Variants in CFAP46 observed in about 807,000 individuals in gnomAD.
The protein encoded by CFAP46 is cilia- and flagella-associated protein 46.
Under a neutral mutation model 325.7 loss-of-function variants are expected in CFAP46, and 245 were observed. The ratio of observed to expected loss-of-function variants is 0.75; its 90% confidence interval spans 0.68 to 0.84. The LOEUF (loss-of-function observed/expected upper bound fraction) is 0.84. Among genes scored for constraint, CFAP46 ranks in the 40% least tolerant of loss-of-function variants. CFAP46 has a pLI of 0.00. For synonymous variants in CFAP46, 1,523 were observed against 1,495.9 expected, an observed-to-expected ratio of 1.02 and a Z score of -0.42; for missense variants, 3,346 against 3,543.0, an observed-to-expected ratio of 0.94 and a Z score of 1.41.
chr10:132,808,982 G>A lies in CFAP46; in HGVS notation c.7665-78C>T. On this transcript the variant is annotated intron_variant, in intron 57 of 57. Transcript: ENST00000368586. The surrounding 1 kb of genome is among the most constrained non-coding windows in gnomAD (Gnocchi z 6.8). ...GCCCGGTGAGGACCAGGGCACAGGG[G>A]CGGGAAGTGGCAGCTGCTCCAACTG... 1 of 1,386,260 alleles carries A rather than the reference G, an allele frequency of 7.2e-7. No individual in the cohort carries two copies. The allele number at this position is 1,386,260 out of a possible 1,614,324, so 85.9% of individuals were successfully genotyped here.
chr10:132,940,692 C>G (rs1355849953), intron 4 of CFAP46, among the ~76,000 whole-genome samples: 1 of 152,200 alleles, frequency 6.6e-6, no homozygotes, highest in East Asian at 1.9e-4. Context: ...ATTCTCCTGC[C>G]TCAGCCTCCC....
chr10:132,927,120 G>T (rs1370182260), intron 9 of CFAP46, among the ~76,000 whole-genome samples: 1 of 152,124 alleles, frequency 6.6e-6, no homozygotes, highest in Non-Finnish European at 1.5e-5. Context: ...AAAAGCTGGG[G>T]AGCAACGTGT....
rs1478282746 is a variant in CFAP46, at chr10:132,877,970, TCTC to T, written c.4120_4122del (p.Glu1374del). The stretch of plus-strand genomic sequence containing the variant: ...TTCTCCTTCTCTTTACTCCTCTCCT[TCTC>T]CTTCTCTTTACTCCTCTCATTCTCC... On this transcript the variant is annotated inframe_deletion, in exon 30 of 58. Coordinates refer to ENST00000368586, the MANE Select transcript of CFAP46 (RefSeq NM_001200049.3). This position sits in a 1 kb window ranked among gnomAD's most constrained non-coding sequence, Gnocchi z 5.7. 2.9e-5 allele frequency: 45 copies of T among 1,550,416 alleles called. No individual in the cohort carries two copies. In the South Asian group the frequency reaches 4.6e-4, roughly 16 times the overall value.
rs1252193866 is a variant in CFAP46, at chr10:132,827,832, G to A, written c.7117+5526C>T. Among the ~76,000 whole-genome samples, 1 of 151,890 alleles carries A rather than the reference G, an allele frequency of 6.6e-6. No homozygotes were observed. Among genetic ancestry groups the A allele is most frequent in the East Asian group, 1.9e-4 (1 of 5,172 alleles). On this transcript the variant is annotated intron_variant, in intron 50 of 57. Transcript: ENST00000368586. The surrounding 1 kb of genome is among the most constrained non-coding windows in gnomAD (Gnocchi z 5.7). ...TACCTGCCTTCTGACTTGTACATTG[G>A]TTTGTATTTCCCAGGCTTTTGTAAA...
At position 132,846,075 on chromosome 10, in the gene CFAP46, C is replaced by A. The variant is rs776124330; in HGVS notation, c.6420G>T (p.Arg2140Ser). 5 of 1,587,868 alleles carry A rather than the reference C, an allele frequency of 3.1e-6. No homozygotes were observed. The African/African-American group carries it at 4.0e-5, about 13-fold the overall frequency. The change falls in exon 44 of 58, where the codon AGG (arginine) becomes AGT (serine). Residue 2140 changes from arginine (R) to serine (S), a missense_variant. By Grantham distance (110) the Arg-to-Ser change is moderately radical. Transcript: ENST00000368586. ...TTSLGARVEQ[R>S]LAAVSKAWQN... is the part of the protein sequence containing the mutation. ...CGCTTACCTTGGACACGGCGGCCAG[C>A]CTCTGCTCCACACGGGCGCCCAGGC... is the stretch of plus-strand genomic sequence containing the variant.
At chr10:132,821,898 T>C (rs1847846147) in intron 50 of CFAP46, among the ~76,000 whole-genome samples, 1 of 145,724 alleles carries the variant, frequency 6.9e-6, no homozygotes, top group African/African-American at 2.6e-5. Context: ...TGATGTGTGT[T>C]GTGTGAGTGC....
chr10:132,846,892 A>C, intron 43 of CFAP46, 40 bp downstream of exon 43: 1 of 1,575,552 alleles, frequency 6.3e-7, no homozygotes, highest in Non-Finnish European at 8.6e-7. Context: ...TCCCTCCTCC[A>C]TGAAGGGCCT....
At chr10:132,861,275 C>G (rs1313099686) in intron 35 of CFAP46, among the ~76,000 whole-genome samples, 2 of 152,220 alleles carry the variant, frequency 1.3e-5, no homozygotes, top group African/African-American at 4.8e-5. Context: ...TCAGCACCAG[C>G]TGCAGCGCGC....
chr10:132,851,039 C>T (rs1848533068), intron 40 of CFAP46, 78 bp downstream of exon 40: 1 of 1,562,708 alleles, frequency 6.4e-7, no homozygotes, highest in Non-Finnish European at 8.8e-7. Context: ...GAGACGGCTC[C>T]TGCTGGAACG....
chr10:132,937,069 GAGC>G lies in CFAP46; in HGVS notation c.661-17_661-15del. On this transcript the variant is annotated splice_polypyrimidine_tract_variant and intron_variant, in intron 6 of 57. Coordinates refer to ENST00000368586, the MANE Select transcript of CFAP46 (RefSeq NM_001200049.3). Reference sequence around the variant, plus strand: ...TTCATGACGAACCTGTCATAAAATGGAGCAGATTATTAATCTGGATTCAAACAA... The same window carrying G: ...TTCATGACGAACCTGTCATAAAATGGAGATTATTAATCTGGATTCAAACAA... 7.0e-7 allele frequency: 1 copy of G among 1,438,044 alleles called. No individual in the cohort carries two copies. The highest frequency in any genetic ancestry group is 9.4e-7 in the Non-Finnish European group (1 of 1,068,182). 89.1% of individuals were successfully genotyped at this position (1,438,044 alleles called of 1,614,324 possible).
At chr10:132,938,192 C>T (rs1850039972) in intron 5 of CFAP46, among the ~76,000 whole-genome samples, 1 of 152,250 alleles carries the variant, frequency 6.6e-6, no homozygotes, top group Non-Finnish European at 1.5e-5. Flanking sequence ...GCTGCCCCAA[C>T]TTCCTCGCAG....
chr10:132,859,328 C>T (rs1848692601), intron 37 of CFAP46, 81 bp from the exon 38 acceptor site: 13 of 1,268,272 alleles, frequency 1.0e-5, no homozygotes, highest in Admixed American at 2.7e-5. Context: ...CCGCTGTTCT[C>T]CCCGGTGTTC....
chr10:132,845,996 A>AGGC, intron 44 of CFAP46, 61 bp downstream of exon 44: 20 of 1,531,596 alleles, frequency 1.3e-5, no homozygotes, highest in Non-Finnish European at 1.8e-5. Flanking sequence ...GTGCGGCTGC[A>AGGC]GTGTCTGTCC....
intron 26 of CFAP46, among the ~76,000 whole-genome samples, chr10:132,885,547 C>T (rs1465985930): frequency 6.6e-6 from 1 of 151,626 alleles, no homozygotes; most frequent in Non-Finnish European, 1.5e-5. Context: ...AAGTGGGAAC[C>T]TGGGGAGGCC....
rs4880467 is a variant in CFAP46 at position 132,913,117 on chromosome 10, G to T, written c.2262C>A (p.Ala754=). The change falls in exon 18 of 58, where the codon GCC becomes GCA. Residue 754 remains alanine, a synonymous_variant. Coordinates refer to ENST00000368586, the MANE Select transcript of CFAP46 (RefSeq NM_001200049.3). ...VLNHNHHLIL[A]GRQKELVDAL... ...CGTCCACCAGCTCCTTCTGCCGCCC[G>T]GCCAGGATCAGGTGGTGGTTGTGGT... The T allele has an allele frequency of 5.9e-5, 92 of 1,550,332 alleles. No homozygotes were observed. The South Asian group carries it at 1.0e-3, about 17-fold the overall frequency.
intron 39 of CFAP46, among the ~76,000 whole-genome samples, chr10:132,856,960 T>G (rs1848650834): frequency 1.3e-5 from 2 of 152,234 alleles, no homozygotes; most frequent in Non-Finnish European, 2.9e-5. Flanking sequence ...GTCTGCTTTC[T>G]AGGGTCTCTC....
intron 35 of CFAP46, among the ~76,000 whole-genome samples, chr10:132,864,047 C>G (rs1591061311): frequency 6.8e-6 from 1 of 147,586 alleles, no homozygotes; most frequent in Non-Finnish European, 1.5e-5. Flanking sequence ...CCTGCACACA[C>G]CTGTCCCCCT....
At chr10:132,917,360 G>A (rs948106993) in intron 16 of CFAP46, among the ~76,000 whole-genome samples, 2 of 152,256 alleles carry the variant, frequency 1.3e-5, no homozygotes, top group Admixed American at 1.3e-4. Flanking sequence ...TTGTGTTGGT[G>A]CAGCGCGGTG....
At position 132,850,217 on chromosome 10, in the gene CFAP46, A is replaced by C. The variant is rs1485111406; in HGVS notation, c.5952+27T>G. The C allele has an allele frequency of 7.1e-6, 11 of 1,549,332 alleles. No homozygotes were observed. In the East Asian group the frequency reaches 2.0e-4, roughly 28 times the overall value. On this transcript the variant is annotated intron_variant, in intron 41 of 57. Transcript: ENST00000368586. The stretch of plus-strand genomic sequence containing the variant: ...CACGGGTGACTGGTGTTGGAGCCAG[A>C]CTTGGGATAGAAGCAGGAGCACCTA...
Sources: allele counts gnomAD v4.1 joint callset (sites outside exome capture counted in the v4.1 genomes callset), GRCh38; gene constraint gnomAD v4.1.1; non-coding constraint Gnocchi (gnomAD v3.1); transcripts MANE v1.5; gene names NCBI Gene and HGNC (gene_info 2026-07-23, HGNC 2026-07-21).